The following HECW1 variants were observed in gnomAD, a reference collection of about 807,000 sequenced individuals.
HECW1 encodes HECT, C2 and WW domain containing E3 ubiquitin protein ligase 1.
HECW1 carries 61 observed loss-of-function variants against 182.3 expected under a neutral mutation model. The ratio of observed to expected loss-of-function variants is 0.33; its 90% confidence interval spans 0.27 to 0.41. The LOEUF (loss-of-function observed/expected upper bound fraction) is 0.41. Ranked by LOEUF, HECW1 falls within the 10% of genes least tolerant of loss-of-function variation. The pLI, the probability that HECW1 is intolerant of heterozygous loss-of-function variation, is 1.00. For missense variants in HECW1, 1,739 were observed against 2,108.9 expected, an observed-to-expected ratio of 0.82 and a Z score of 3.44; for synonymous variants, 859 against 832.6, an observed-to-expected ratio of 1.03 and a Z score of -0.55.
intron 2 of HECW1, among the ~76,000 whole-genome samples, chr7:43,240,241 G>A (rs2152716709): frequency 6.6e-6 from 1 of 152,294 alleles, no homozygotes; most frequent in African/African-American, 2.4e-5. Flanking sequence ...GGGAGGCTGA[G>A]GCAGGAGAAT....
intron 2 of HECW1, among the ~76,000 whole-genome samples, chr7:43,218,640 G>T (rs1796655708): frequency 1.3e-5 from 2 of 152,128 alleles, no homozygotes; most frequent in African/African-American, 4.8e-5. Context: ...TTTTACTCAT[G>T]GGCTGATAAA....
At chr7:43,474,246 G>A (rs976804386) in intron 16 of HECW1, among the ~76,000 whole-genome samples, 6 of 152,076 alleles carry the variant, frequency 3.9e-5, no homozygotes, top group African/African-American at 1.2e-4. Flanking sequence ...TCAGCAGATC[G>A]AGACCACCCT....
At chr7:43,136,818 C>T (rs1161476083) in intron 2 of HECW1, among the ~76,000 whole-genome samples, 1 of 152,136 alleles carries the variant, frequency 6.6e-6, no homozygotes. Context: ...ATAGTCAATG[C>T]ACGTCCACTC....
At chr7:43,228,922 G>C (rs1467375232) in intron 2 of HECW1, among the ~76,000 whole-genome samples, 1 of 152,096 alleles carries the variant, frequency 6.6e-6, no homozygotes, top group African/African-American at 2.4e-5. Context: ...ATGACAACGA[G>C]GAATCTACCA....
At chr7:43,332,791 G>A (rs1811662623) in intron 5 of HECW1, among the ~76,000 whole-genome samples, 1 of 152,176 alleles carries the variant, frequency 6.6e-6, no homozygotes, top group Non-Finnish European at 1.5e-5. Context: ...AAACTTCTTT[G>A]AGCCATCCCA....
chr7:43,348,572 T>C (rs887159879), intron 5 of HECW1, among the ~76,000 whole-genome samples: 3 of 152,140 alleles, frequency 2.0e-5, no homozygotes, highest in Admixed American at 2.0e-4. Context: ...GTTTGGTTTG[T>C]TCTTGTTTCT....
At chr7:43,416,992 G>A (rs576086292) in intron 8 of HECW1, among the ~76,000 whole-genome samples, 128 of 152,304 alleles carry the variant, frequency 8.4e-4, no homozygotes, top group African/African-American at 2.8e-3. Context: ...CGTCTTCTGC[G>A]TCGCTCACGC....
At chr7:43,217,540 C>T (rs1371774528) in intron 2 of HECW1, among the ~76,000 whole-genome samples, 1 of 152,218 alleles carries the variant, frequency 6.6e-6, no homozygotes, top group Admixed American at 6.5e-5. Context: ...GGGAATGTCT[C>T]ACTCCCTCCA....
chr7:43,275,720 A>G (rs1441587576), intron 3 of HECW1, among the ~76,000 whole-genome samples: 1 of 151,966 alleles, frequency 6.6e-6, no homozygotes, highest in Non-Finnish European at 1.5e-5. Context: ...ACACACACAC[A>G]CACACACACA....
chr7:43,470,796 C>A (rs567508363), intron 16 of HECW1, among the ~76,000 whole-genome samples: 1 of 152,206 alleles, frequency 6.6e-6, no homozygotes, highest in Non-Finnish European at 1.5e-5. Flanking sequence ...AACACACACA[C>A]ATACACACAC....
rs1554440501 is a variant in HECW1 at position 43,488,434 on chromosome 7, G to GAGAAAGAAAGAAAAAGAA, written c.3235-3628_3235-3627insAAGAAAGAAAGAAAGAAA. On this transcript the variant is annotated intron_variant, in intron 17 of 29. Transcript: ENST00000395891. ...AAAGAGAGAGAGAGAAAGAAAGAAA[G>GAGAAAGAAAGAAAAAGAA]AGAAAGAAAGAAAGAAAGAAAGAAA... Among the ~76,000 whole-genome samples the GAGAAAGAAAGAAAAAGAA allele has an allele frequency of 8.3e-4, 77 of 93,136 alleles. 2 individuals are homozygous for GAGAAAGAAAGAAAAAGAA. The highest frequency in any genetic ancestry group is 3.3e-3 in the African/African-American group (74 of 22,686). 61.1% of individuals were successfully genotyped at this position (93,136 alleles called of 152,430 possible). A position where few individuals can be genotyped will look rare whatever the true frequency, so the allele number is the denominator to read the frequency against.
chr7:43,225,640 A>G (rs754634348), intron 2 of HECW1, among the ~76,000 whole-genome samples: 1 of 152,198 alleles, frequency 6.6e-6, no homozygotes, highest in Non-Finnish European at 1.5e-5. Context: ...TATTCCTATA[A>G]TGTGAGGAAC....
At chr7:43,348,393 A>C (rs1813962298) in intron 5 of HECW1, among the ~76,000 whole-genome samples, 1 of 151,946 alleles carries the variant, frequency 6.6e-6, no homozygotes, top group African/African-American at 2.4e-5. Flanking sequence ...GGTTATTTGA[A>C]TATTCTCTCT....
At chr7:43,423,175 G>C (rs369751871) in intron 8 of HECW1, among the ~76,000 whole-genome samples, 1 of 152,198 alleles carries the variant, frequency 6.6e-6, no homozygotes, top group East Asian at 1.9e-4. Context: ...CTGAAACGCA[G>C]AGCTGGTACT....
At chr7:43,435,988 C>T (rs1435871313) in intron 8 of HECW1, among the ~76,000 whole-genome samples, 1 of 151,922 alleles carries the variant, frequency 6.6e-6, no homozygotes, top group African/African-American at 2.4e-5. Context: ...CACAGTGAAA[C>T]GCTGTCTGTA....
intron 5 of HECW1, among the ~76,000 whole-genome samples, chr7:43,341,376 T>G (rs1812980387): frequency 6.6e-6 from 1 of 151,604 alleles, no homozygotes; most frequent in African/African-American, 2.4e-5. Context: ...TACATATTGG[T>G]TCGTTTTGGT....
intron 6 of HECW1, among the ~76,000 whole-genome samples, chr7:43,365,493 T>C (rs1156601720): frequency 6.6e-6 from 1 of 152,236 alleles, no homozygotes; most frequent in Non-Finnish European, 1.5e-5. Context: ...AGTAGAGACT[T>C]CTCTAGATTT....
chr7:43,340,316 G>A (rs1812806580), intron 5 of HECW1, among the ~76,000 whole-genome samples: 1 of 148,568 alleles, frequency 6.7e-6, no homozygotes, highest in Admixed American at 6.8e-5. Context: ...TGCCTCCCGG[G>A]TTCAAGCAAT....
intron 21 of HECW1, among the ~76,000 whole-genome samples, chr7:43,504,514 G>A (rs1028657025): frequency 2.0e-5 from 3 of 152,070 alleles, no homozygotes; most frequent in African/African-American, 4.8e-5. Context: ...GGCCCTCTCC[G>A]TTTTGTTTCT....
Sources: allele counts gnomAD v4.1 joint callset (sites outside exome capture counted in the v4.1 genomes callset), GRCh38; gene constraint gnomAD v4.1.1; transcripts MANE v1.5; gene names NCBI Gene and HGNC (gene_info 2026-07-23, HGNC 2026-07-21).